The following CTIF variants were observed in gnomAD, a reference collection of about 807,000 sequenced individuals.
CTIF encodes the protein CBP80/20-dependent translation initiation factor.
Under a neutral mutation model 66.0 loss-of-function variants are expected in CTIF, and 21 were observed. The observed-to-expected ratio is 0.32, with a 90% CI of 0.23 to 0.46. The LOEUF (loss-of-function observed/expected upper bound fraction) is 0.46. CTIF is among the 20% of genes least tolerant of loss of function. The pLI is 1.00. For missense variants in CTIF, 739 were observed against 812.7 expected (o/e 0.91, Z 1.10); for synonymous variants, 345 against 326.4 (o/e 1.06, Z -0.62).
intron 1 of CTIF, among the ~76,000 whole-genome samples, chr18:48,577,358 C>T (rs950461859): frequency 2.6e-5 from 4 of 152,144 alleles, no homozygotes; most frequent in East Asian, 1.9e-4. Flanking sequence ...TGAGATGCGC[C>T]GTTCCTTCCC....
At chr18:48,647,849 A>G (rs1228162498) in intron 3 of CTIF, among the ~76,000 whole-genome samples, 2 of 152,014 alleles carry the variant, frequency 1.3e-5, no homozygotes, top group Non-Finnish European at 2.9e-5. Flanking sequence ...TCCTGTCATG[A>G]CCTTCTGTAG....
At chr18:48,679,421 C>T (rs1237317553) in intron 6 of CTIF, among the ~76,000 whole-genome samples, 7 of 152,190 alleles carry the variant, frequency 4.6e-5, no homozygotes, top group Non-Finnish European at 8.8e-5. Context: ...AACTGGCAAG[C>T]TTGGCAGATA....
intron 1 of CTIF, among the ~76,000 whole-genome samples, chr18:48,599,882 C>A (rs914397263): frequency 6.6e-6 from 1 of 152,166 alleles, no homozygotes; most frequent in Non-Finnish European, 1.5e-5. Context: ...CAGAGGGTGC[C>A]GTGACCCAGC....
At chr18:48,655,315 A>G (rs57431521) in intron 3 of CTIF, among the ~76,000 whole-genome samples, 76,886 of 141,540 alleles carry the variant, frequency 0.54, 24,344 homozygotes, top group East Asian at 0.85. Flanking sequence ...AAAAAAAAAA[A>G]AAAAAGAAGA....
At chr18:48,749,982 G>A (rs1001951394) in intron 7 of CTIF, among the ~76,000 whole-genome samples, 5 of 152,220 alleles carry the variant, frequency 3.3e-5, no homozygotes, top group African/African-American at 1.2e-4. Flanking sequence ...CGACTCCCCA[G>A]GGCAGCCGCG....
chr18:48,679,678 G>T (rs1224187430), intron 6 of CTIF, among the ~76,000 whole-genome samples: 2 of 152,136 alleles, frequency 1.3e-5, no homozygotes, highest in African/African-American at 2.4e-5. Flanking sequence ...TCATGGCCCT[G>T]TTCCAATTTC....
chr18:48,856,988 G>A (rs771346348), intron 10 of CTIF, among the ~76,000 whole-genome samples: 7 of 152,200 alleles, frequency 4.6e-5, no homozygotes, highest in African/African-American at 1.2e-4. Context: ...ACTGTAGCAC[G>A]GCAGGACTGA....
At chr18:48,809,470 A>G (rs58139352) in intron 9 of CTIF, among the ~76,000 whole-genome samples, 5,024 of 152,208 alleles carry the variant, frequency 0.033, 280 homozygotes, top group African/African-American at 0.12. Context: ...TCTGTTTGTT[A>G]GTATTTCACT....
intron 1 of CTIF, among the ~76,000 whole-genome samples, chr18:48,599,132 C>A (rs961673654): frequency 6.6e-6 from 1 of 152,086 alleles, no homozygotes; most frequent in Non-Finnish European, 1.5e-5. Flanking sequence ...AAAGGCCTGG[C>A]GAACTGTAAA....
intron 9 of CTIF, among the ~76,000 whole-genome samples, chr18:48,798,325 A>G (rs761781579): frequency 1.3e-5 from 2 of 152,232 alleles, no homozygotes; most frequent in African/African-American, 2.4e-5. Context: ...TGCCATCACA[A>G]CTGAAGCCCA....
intron 6 of CTIF, among the ~76,000 whole-genome samples, chr18:48,691,854 C>A (rs1444980634): frequency 6.6e-6 from 1 of 152,168 alleles, no homozygotes; most frequent in Non-Finnish European, 1.5e-5. Flanking sequence ...CCCAGGTATT[C>A]CAGGACAATC....
chr18:48,857,884 T>C (rs1377364507), intron 11 of CTIF, among the ~76,000 whole-genome samples: 1 of 127,936 alleles, frequency 7.8e-6, no homozygotes, highest in African/African-American at 3.5e-5. Context: ...CCAGTGGCAT[T>C]GCCTACTTCC....
intron 3 of CTIF, among the ~76,000 whole-genome samples, chr18:48,650,533 A>G (rs1371454123): frequency 6.6e-6 from 1 of 152,216 alleles, no homozygotes; most frequent in Non-Finnish European, 1.5e-5. Context: ...AGGGAGAACC[A>G]AGTTGGAAAA....
intron 1 of CTIF, among the ~76,000 whole-genome samples, chr18:48,572,843 C>T (rs2089445801): frequency 1.3e-5 from 2 of 151,980 alleles, no homozygotes; most frequent in Admixed American, 6.6e-5. Flanking sequence ...CAAAACCTAG[C>T]CAGGCCACTA....
rs1231486040 is a variant in CTIF at position 48,817,346 on chromosome 18, C to T, written c.1497C>T (p.Leu499=). The T allele has an allele frequency of 5.0e-6, 8 of 1,613,050 alleles. No individual in the cohort carries two copies. The highest frequency in any genetic ancestry group is 1.7e-5 in the Admixed American group (1 of 59,966). ...RSSTGEPFRV[L]VCPIYTCLRE... is the part of the protein sequence containing the mutation. ...GCACAGGCGAGCCCTTCCGTGTGCT[C>T]GTGTGCCCCATCTACACCTGCCTCA... Residue 499 remains leucine (L), a synonymous_variant, in exon 10 of 12, where the codon CTC becomes CTT. Transcript: ENST00000256413.
At chr18:48,764,960 A>G (rs532572348) in intron 9 of CTIF, among the ~76,000 whole-genome samples, 1 of 152,342 alleles carries the variant, frequency 6.6e-6, no homozygotes, top group South Asian at 2.1e-4. Context: ...TCCAAGGCCC[A>G]GAGGACACCT....
At chr18:48,570,415 G>GCC (rs1179875478) in intron 1 of CTIF, among the ~76,000 whole-genome samples, 4 of 152,214 alleles carry the variant, frequency 2.6e-5, no homozygotes, top group African/African-American at 9.7e-5. Flanking sequence ...CAGGAACTGT[G>GCC]CTATATATTG....
intron 1 of CTIF, among the ~76,000 whole-genome samples, chr18:48,551,817 A>C (rs559220540): frequency 2.0e-5 from 3 of 148,946 alleles, no homozygotes; most frequent in African/African-American, 7.5e-5. Context: ...TTTTTTTTGG[A>C]GACGGAGTCT....
At chr18:48,567,295 G>A (rs2089300171) in intron 1 of CTIF, 1 of 152,198 alleles carries the variant, frequency 6.6e-6, no homozygotes, top group Admixed American at 6.5e-5. Context: ...CCAGTCAGAT[G>A]GGTGGACGTC....
Sources: gnomAD v4.1 joint callset for allele counts (sites outside exome capture counted in the v4.1 genomes callset) on GRCh38, gnomAD v4.1.1 for gene constraint, MANE v1.5 for transcripts, NCBI Gene and HGNC (gene_info 2026-07-23, HGNC 2026-07-21) for gene names.